MACROD2: variants seen among roughly 807,000 people sequenced by gnomAD.
MACROD2 encodes mono-ADP ribosylhydrolase 2, also known as ADP-ribose glycohydrolase MACROD2.
In MACROD2, 36 loss-of-function variants were observed where a neutral mutation model predicts 70.4. The ratio of observed to expected loss-of-function variants is 0.51; its 90% CI spans 0.39 to 0.68. The LOEUF is 0.68. Ranked by LOEUF, MACROD2 falls within the 30% of genes least tolerant of loss-of-function variation. MACROD2 has a pLI of 0.00. For missense variants in MACROD2, 496 were observed against 538.4 expected (o/e 0.92, Z 0.78); for synonymous variants, 172 against 178.8 (o/e 0.96, Z 0.30).
chr20:15,103,784 C>G (rs946785060), intron 5 of MACROD2, among the ~76,000 whole-genome samples: 1 of 152,058 alleles, frequency 6.6e-6, no homozygotes, highest in African/African-American at 2.4e-5. Context: ...TCTGATCAGA[C>G]GACATTTGAG....
chr20:15,094,957 C>T (rs987921739), intron 5 of MACROD2, among the ~76,000 whole-genome samples: 53 of 151,640 alleles, frequency 3.5e-4, no homozygotes, highest in African/African-American at 1.1e-3. Context: ...TTGTGTGTGA[C>T]CCTGAGCAAG....
At chr20:15,765,862 C>A (rs953937796) in intron 8 of MACROD2, among the ~76,000 whole-genome samples, 3 of 151,936 alleles carry the variant, frequency 2.0e-5, no homozygotes, top group African/African-American at 7.3e-5. Context: ...AGTATTTGTA[C>A]TTTTTATACT....
intron 12 of MACROD2, among the ~76,000 whole-genome samples, chr20:15,958,244 G>A (rs1443483853): frequency 6.6e-6 from 1 of 152,008 alleles, no homozygotes; most frequent in Non-Finnish European, 1.5e-5. Flanking sequence ...CATAGTGTCC[G>A]GCAAACAAAG....
At chr20:15,160,299 A>G (rs2076339541) in intron 5 of MACROD2, among the ~76,000 whole-genome samples, 1 of 152,114 alleles carries the variant, frequency 6.6e-6, no homozygotes, top group South Asian at 2.1e-4. Context: ...TTCTGGAACA[A>G]GAAATGGTGA....
At position 14,001,242 on chromosome 20, in the gene MACROD2, A is replaced by T. The variant is rs183569439; in HGVS notation, c.47-1046A>T. ...CCCTATCTGCAAAATTGGCATAATA[A>T]TACTATCAATTTTATGAGTTATTAG... is the stretch of plus-strand genomic sequence containing the variant. On this transcript the variant is annotated intron_variant, in intron 1 of 17. Transcript: ENST00000684519. Among the ~76,000 whole-genome samples, 88 of 152,314 alleles carry T rather than the reference A, an allele frequency of 5.8e-4. 1 individual carries two copies. Among genetic ancestry groups the T allele is most frequent in the Non-Finnish European group, 2.9e-5 (2 of 68,014 alleles).
intron 4 of MACROD2, among the ~76,000 whole-genome samples, chr20:14,517,628 T>G (rs938120789): frequency 6.6e-6 from 1 of 152,140 alleles, no homozygotes; most frequent in East Asian, 1.9e-4. Flanking sequence ...ATGGCATGTG[T>G]ATACCTGTGT....
intron 5 of MACROD2, among the ~76,000 whole-genome samples, chr20:14,775,202 A>G (rs1819395233): frequency 6.6e-6 from 1 of 152,084 alleles, no homozygotes; most frequent in African/African-American, 2.4e-5. Flanking sequence ...CCTTATGACA[A>G]TTCTTGAATG....
intron 3 of MACROD2, among the ~76,000 whole-genome samples, chr20:14,295,725 G>A (rs1311241714): frequency 1.3e-5 from 2 of 151,866 alleles, no homozygotes; most frequent in Admixed American, 6.6e-5. Flanking sequence ...GCCTTCTGAT[G>A]TATTGTCATC....
intron 5 of MACROD2, among the ~76,000 whole-genome samples, chr20:15,104,191 G>A (rs1273156335): frequency 6.6e-6 from 1 of 152,120 alleles, no homozygotes; most frequent in Non-Finnish European, 1.5e-5. Flanking sequence ...TCTTGGGACG[G>A]AACTGAAAGA....
At chr20:14,798,508 G>A (rs1568802004) in intron 5 of MACROD2, among the ~76,000 whole-genome samples, 2 of 152,030 alleles carry the variant, frequency 1.3e-5, no homozygotes, top group Admixed American at 6.6e-5. Context: ...ATTGATCAGA[G>A]AGAGACTTTT....
intron 3 of MACROD2, among the ~76,000 whole-genome samples, chr20:14,280,194 A>G (rs182138578): frequency 2.8e-4 from 43 of 152,280 alleles, no homozygotes; most frequent in African/African-American, 1.0e-3. Flanking sequence ...CACTACATGA[A>G]TGAGTTTTTA....
At chr20:15,280,842 C>G (rs570823300) in intron 6 of MACROD2, 1 of 152,336 alleles carries the variant, frequency 6.6e-6, no homozygotes, top group South Asian at 2.1e-4. Flanking sequence ...TTAGATGAGA[C>G]TGGGCACATT....
At chr20:15,208,499 G>A (rs1348910826) in intron 5 of MACROD2, among the ~76,000 whole-genome samples, 1 of 152,092 alleles carries the variant, frequency 6.6e-6, no homozygotes, top group Non-Finnish European at 1.5e-5. Context: ...TACCCTGTAT[G>A]TTATAAGACT....
intron 6 of MACROD2, among the ~76,000 whole-genome samples, chr20:15,417,439 A>ATAC (rs1461806344): frequency 6.6e-6 from 1 of 151,606 alleles, no homozygotes; most frequent in Non-Finnish European, 1.5e-5. Context: ...AATAATAATA[A>ATAC]TAATAAATAT....
intron 6 of MACROD2, among the ~76,000 whole-genome samples, chr20:15,360,895 C>T (rs1333332081): frequency 6.6e-6 from 1 of 150,788 alleles, no homozygotes; most frequent in Non-Finnish European, 1.5e-5. Flanking sequence ...TGCCCATTTT[C>T]TAGTTGGACC....
chr20:14,127,704 G>A (rs562600566), intron 3 of MACROD2: 15 of 376,846 alleles, frequency 4.0e-5, no homozygotes, highest in Middle Eastern at 3.6e-4. Flanking sequence ...GTTTCTGAAC[G>A]TGATACAATC....
intron 3 of MACROD2, among the ~76,000 whole-genome samples, chr20:14,122,863 GTCTA>G (rs1428447947): frequency 6.6e-6 from 1 of 152,114 alleles, no homozygotes; most frequent in Non-Finnish European, 1.5e-5. Flanking sequence ...CAGTGACTGT[GTCTA>G]TCTATCTGGC....
At chr20:14,186,041 C>G (rs2081341394) in intron 3 of MACROD2, among the ~76,000 whole-genome samples, 1 of 152,100 alleles carries the variant, frequency 6.6e-6, no homozygotes, top group Non-Finnish European at 1.5e-5. Context: ...CTTTCTTCCC[C>G]AGGTGTATAG....
intron 4 of MACROD2, among the ~76,000 whole-genome samples, chr20:14,650,193 G>A (rs1568719763): frequency 6.6e-6 from 1 of 152,120 alleles, no homozygotes; most frequent in Non-Finnish European, 1.5e-5. Flanking sequence ...TCTTTACATG[G>A]GCAAGTCTTC....
Sources: gnomAD v4.1 joint callset for allele counts (sites outside exome capture counted in the v4.1 genomes callset) on GRCh38, gnomAD v4.1.1 for gene constraint, MANE v1.5 for transcripts, NCBI Gene and HGNC (gene_info 2026-07-23, HGNC 2026-07-21) for gene names.